Variants in EYS observed in about 807,000 individuals in gnomAD.
The protein encoded by EYS is protein eyes shut homolog.
In EYS, 250 loss-of-function variants were observed where a neutral mutation model predicts 282.1. The observed-to-expected ratio is 0.89, with a 90% confidence interval of 0.80 to 0.98. The LOEUF is 0.98. EYS is among the 50% of genes least tolerant of loss of function. EYS has a pLI of 0.00. For missense variants in EYS, 4,016 were observed against 3,709.0 expected, an observed-to-expected ratio of 1.08 and a Z score of -2.15; for synonymous variants, 1,355 against 1,282.9, an observed-to-expected ratio of 1.06 and a Z score of -1.20.
chr6:64,430,901 G>A (rs1043244837), intron 28 of EYS, among the ~76,000 whole-genome samples: 7 of 152,132 alleles, frequency 4.6e-5, no homozygotes, highest in African/African-American at 1.7e-4. Context: ...TATAATTTGA[G>A]TAAGGTTAAA....
At chr6:65,288,767 T>C (rs1768440850) in intron 12 of EYS, among the ~76,000 whole-genome samples, 2 of 151,104 alleles carry the variant, frequency 1.3e-5, no homozygotes, top group Admixed American at 1.3e-4. Context: ...TAAAGATATA[T>C]GGAATAATAC....
intron 12 of EYS, among the ~76,000 whole-genome samples, chr6:65,284,500 T>C (rs1336349854): frequency 1.3e-5 from 2 of 152,078 alleles, no homozygotes; most frequent in East Asian, 3.8e-4. Context: ...ATATCTATTA[T>C]AGTGAATATT....
chr6:64,575,672 G>A (rs1429687648), intron 26 of EYS, among the ~76,000 whole-genome samples: 1 of 152,060 alleles, frequency 6.6e-6, no homozygotes, highest in Non-Finnish European at 1.5e-5. Context: ...GTCAGAATAT[G>A]GTAAATTAGT....
intron 26 of EYS, among the ~76,000 whole-genome samples, chr6:64,547,999 C>T (rs1764937077): frequency 6.6e-6 from 1 of 152,232 alleles, no homozygotes; most frequent in East Asian, 1.9e-4. Flanking sequence ...AGCCCATGCC[C>T]ACCCAGAACT....
At chr6:64,200,570 C>G (rs1765433807) in intron 31 of EYS, among the ~76,000 whole-genome samples, 1 of 152,102 alleles carries the variant, frequency 6.6e-6, no homozygotes, top group Admixed American at 6.6e-5. Flanking sequence ...TGTCCTATCT[C>G]TTCCTCAGAT....
intron 12 of EYS, among the ~76,000 whole-genome samples, chr6:65,122,978 G>C (rs1485100648): frequency 6.6e-6 from 1 of 151,960 alleles, no homozygotes; most frequent in South Asian, 2.1e-4. Flanking sequence ...ACAATTAGTC[G>C]TGATTTCTAA....
intron 2 of EYS, among the ~76,000 whole-genome samples, chr6:65,535,227 C>T (rs984271402): frequency 6.6e-6 from 1 of 152,018 alleles, no homozygotes; most frequent in Admixed American, 6.6e-5. Flanking sequence ...AGGTCAGTGG[C>T]CTTGGGACCC....
intron 36 of EYS, among the ~76,000 whole-genome samples, chr6:63,862,288 T>C (rs990976460): frequency 3.3e-5 from 5 of 152,244 alleles, no homozygotes; most frequent in Non-Finnish European, 1.5e-5. Flanking sequence ...GTAAGCTCTG[T>C]AAGGTCAGAA....
At chr6:64,950,199 A>C (rs1769436840) in intron 14 of EYS, among the ~76,000 whole-genome samples, 1 of 152,010 alleles carries the variant, frequency 6.6e-6, no homozygotes, top group Admixed American at 6.6e-5. Context: ...AATGTATTCA[A>C]GATGAAATAG....
At chr6:64,363,122 C>T (rs1582653564) in intron 29 of EYS, among the ~76,000 whole-genome samples, 1 of 151,660 alleles carries the variant, frequency 6.6e-6, no homozygotes, top group African/African-American at 2.4e-5. Context: ...GTGGGCTAGA[C>T]TTTCTTTTCT....
intron 12 of EYS, among the ~76,000 whole-genome samples, chr6:65,222,286 T>G (rs989374481): frequency 6.6e-6 from 1 of 152,116 alleles, no homozygotes; most frequent in Non-Finnish European, 1.5e-5. Flanking sequence ...AATGTAATAA[T>G]CCCCATGTGT....
intron 2 of EYS, among the ~76,000 whole-genome samples, chr6:65,528,028 C>T (rs1297397305): frequency 6.6e-6 from 1 of 152,142 alleles, no homozygotes; most frequent in Non-Finnish European, 1.5e-5. Context: ...GAAAGTGTTA[C>T]TAAGGTATCA....
At chr6:65,168,359 A>G (rs1467628902) in intron 12 of EYS, among the ~76,000 whole-genome samples, 1 of 151,292 alleles carries the variant, frequency 6.6e-6, no homozygotes, top group African/African-American at 2.4e-5. Context: ...ACAGAATACC[A>G]TAAGCTGGTG....
At chr6:64,229,700 G>A (rs1325226824) in intron 31 of EYS, among the ~76,000 whole-genome samples, 1 of 151,668 alleles carries the variant, frequency 6.6e-6, no homozygotes, top group African/African-American at 2.4e-5. Context: ...AAGAAGGGTG[G>A]AATAACACAC....
At chr6:64,829,917 A>C (rs1227515092) in intron 19 of EYS, among the ~76,000 whole-genome samples, 3 of 151,936 alleles carry the variant, frequency 2.0e-5, no homozygotes, top group Non-Finnish European at 4.4e-5. Context: ...CTTGCGCTAG[A>C]GAATACCACT....
intron 40 of EYS, among the ~76,000 whole-genome samples, chr6:63,774,067 C>T (rs574370790): frequency 6.6e-6 from 1 of 152,238 alleles, no homozygotes; most frequent in East Asian, 1.9e-4. Context: ...ATGCATTTTA[C>T]ATTTTTACAA....
At chr6:64,330,339 G>A (rs1282090511) in intron 29 of EYS, among the ~76,000 whole-genome samples, 1 of 152,108 alleles carries the variant, frequency 6.6e-6, no homozygotes, top group Non-Finnish European at 1.5e-5. Flanking sequence ...GAGTTTTTAG[G>A]GGCAGCTGGT....
chr6:64,340,756 CAA>C (rs1170641934), intron 29 of EYS, among the ~76,000 whole-genome samples: 1 of 151,208 alleles, frequency 6.6e-6, no homozygotes, highest in Non-Finnish European at 1.5e-5. Flanking sequence ...GCATGACAAA[CAA>C]AATGATAAAC....
At chr6:64,627,452 T>A (rs1357670581) in intron 22 of EYS, among the ~76,000 whole-genome samples, 2 of 152,072 alleles carry the variant, frequency 1.3e-5, no homozygotes, top group East Asian at 3.9e-4. Context: ...AAATAGAAAT[T>A]AGATCATTAT....
Sources: allele counts gnomAD v4.1 joint callset (sites outside exome capture counted in the v4.1 genomes callset), GRCh38; gene constraint gnomAD v4.1.1; transcripts MANE v1.5; gene names NCBI Gene and HGNC (gene_info 2026-07-23, HGNC 2026-07-21).